CELF2: variants seen among roughly 807,000 people sequenced by gnomAD.
The protein encoded by CELF2 is CUGBP Elav-like family member 2.
In CELF2, 8 loss-of-function variants were observed where a neutral mutation model predicts 62.6. The observed-to-expected ratio is 0.13, with a 90% CI of 0.07 to 0.23. CELF2 has a LOEUF of 0.23. CELF2 is among the 10% of genes least tolerant of loss of function. The pLI is 1.00. For synonymous variants in CELF2, 258 were observed against 250.0 expected, an observed-to-expected ratio of 1.03 and a Z score of -0.30; for missense variants, 333 against 671.0, an observed-to-expected ratio of 0.50 and a Z score of 5.56.
chr10:11,023,958 G>C (rs974405237), intron 1 of CELF2, among the ~76,000 whole-genome samples: 4 of 152,254 alleles, frequency 2.6e-5, no homozygotes, highest in Middle Eastern at 6.8e-3. Context: ...TCAGGTTTTG[G>C]TTAAATTTTA....
the CELF2 span, among the ~76,000 whole-genome samples, chr10:10,543,505 T>C: frequency 2.6e-5 from 4 of 152,124 alleles, no homozygotes; most frequent in South Asian, 8.3e-4. Flanking sequence ...AACTCACATG[T>C]AAACAACACA....
rs2082526576 is a variant in CELF2 at position 11,267,643 on chromosome 10, TTC to T, written c.618+968_618+969del. Among the ~76,000 whole-genome samples the T allele has an allele frequency of 6.6e-6, 1 of 152,254 alleles. No homozygotes were observed. The highest frequency in any genetic ancestry group is 2.4e-5 in the African/African-American group (1 of 41,466). ...CAAAAAACTTTTTTCTTGATTGAGCTTCTGTTTTCCCCCCATTTTGTTGGGGT... is the reference window on the plus strand; with the variant it reads ...CAAAAAACTTTTTTCTTGATTGAGCTTGTTTTCCCCCCATTTTGTTGGGGT... On this transcript the variant is annotated intron_variant, in intron 6 of 12. Coordinates refer to ENST00000633077, the MANE Select transcript of CELF2 (RefSeq NM_001326342.2). The surrounding 1 kb of genome is among the most constrained non-coding windows in gnomAD (Gnocchi z 4.4).
chr10:11,068,511 A>G (rs2068753858), intron 1 of CELF2, among the ~76,000 whole-genome samples: 1 of 151,946 alleles, frequency 6.6e-6, no homozygotes, highest in Non-Finnish European at 1.5e-5. Context: ...CATAAATTTA[A>G]TCTTTCATAG....
At chr10:10,758,785 G>A in the CELF2 span, among the ~76,000 whole-genome samples, 1 of 152,184 alleles carries the variant, frequency 6.6e-6, no homozygotes, top group Admixed American at 6.5e-5. Context: ...ATTTAATAGT[G>A]TGCAATGAAA....
At chr10:11,151,520 C>A (rs2063327148) in intron 1 of CELF2, among the ~76,000 whole-genome samples, 1 of 152,146 alleles carries the variant, frequency 6.6e-6, no homozygotes, top group African/African-American at 2.4e-5. Flanking sequence ...GAGTTTTGAA[C>A]TCTGGACTCT....
chr10:10,584,260 T>C, the CELF2 span, among the ~76,000 whole-genome samples: 101 of 152,258 alleles, frequency 6.6e-4, no homozygotes, highest in Admixed American at 1.8e-3. Flanking sequence ...GCCCCCAGAA[T>C]CATAGCAGAT....
the CELF2 span, among the ~76,000 whole-genome samples, chr10:10,743,870 A>G: frequency 6.6e-6 from 1 of 151,638 alleles, no homozygotes; most frequent in African/African-American, 2.4e-5. Context: ...CTAGAAACAC[A>G]TATCGATACA....
Position 10,972,720 on chromosome 10 carries a change from A to C in CELF2, c.89+52721A>C, listed in dbSNP as rs957361284. On this transcript the variant is annotated intron_variant, in intron 2 of 13. Coordinates refer to the CELF2 transcript ENST00000636488. This position sits in a 1 kb window ranked among gnomAD's most constrained non-coding sequence, Gnocchi z 4.4. ...GCTGCTCCTGGGGCACTTCAAACTC[A>C]ACGAGCCTCCAACTCACAAGGTCAC... is the stretch of plus-strand genomic sequence containing the variant. 6.6e-6 allele frequency among the ~76,000 whole-genome samples: 1 copy of C among 152,014 alleles called. No homozygotes were observed. The highest frequency in any genetic ancestry group is 1.5e-5 in the Non-Finnish European group (1 of 68,000).
the CELF2 span, among the ~76,000 whole-genome samples, chr10:10,524,219 T>C: frequency 6.6e-6 from 1 of 152,022 alleles, no homozygotes; most frequent in Non-Finnish European, 1.5e-5. Flanking sequence ...CAATGTCTAG[T>C]GGGTAGCATC....
chr10:10,746,640 G>A, the CELF2 span, among the ~76,000 whole-genome samples: 4 of 152,152 alleles, frequency 2.6e-5, no homozygotes, highest in Non-Finnish European at 5.9e-5. Context: ...CCAACATTGT[G>A]AAGCAGTTTC....
intron 1 of CELF2, among the ~76,000 whole-genome samples, chr10:11,062,908 G>T (rs2067159918): frequency 6.9e-6 from 1 of 144,780 alleles, no homozygotes. Context: ...TGGTTGTCCT[G>T]TTTTAAGAGA....
the CELF2 span, among the ~76,000 whole-genome samples, chr10:10,771,085 T>A: frequency 6.6e-6 from 1 of 152,138 alleles, no homozygotes; most frequent in East Asian, 1.9e-4. Context: ...ACCAATAACT[T>A]CCATATGTAA....
intron 2 of CELF2, among the ~76,000 whole-genome samples, chr10:10,996,748 G>A (rs954990471): frequency 6.6e-6 from 1 of 152,030 alleles, no homozygotes; most frequent in African/African-American, 2.4e-5. Context: ...CGCAGTTCTG[G>A]TCCTCCTCCA....
At chr10:10,900,039 A>G (rs975373425) in intron 1 of CELF2, among the ~76,000 whole-genome samples, 8 of 152,198 alleles carry the variant, frequency 5.3e-5, no homozygotes, top group African/African-American at 9.7e-5. Context: ...AACTCACTAA[A>G]CAAGAAATAG....
intron 1 of CELF2, among the ~76,000 whole-genome samples, chr10:10,854,814 A>G (rs1009949321): frequency 6.6e-6 from 1 of 151,878 alleles, no homozygotes; most frequent in Non-Finnish European, 1.5e-5. Context: ...CTCCAAGTCA[A>G]CATCATTCTC....
At chr10:10,479,511 G>A in the CELF2 span, among the ~76,000 whole-genome samples, 4 of 152,120 alleles carry the variant, frequency 2.6e-5, no homozygotes, top group Admixed American at 2.6e-4. Context: ...TGATGGAAAC[G>A]CGATAAGTAT....
intron 1 of CELF2, among the ~76,000 whole-genome samples, chr10:10,913,858 AGAAGGAAG>A (rs71378770): frequency 6.9e-5 from 7 of 101,146 alleles, no homozygotes; most frequent in South Asian, 4.6e-4. Context: ...AGGGAAGGAG[AGAAGGAAG>A]GAAGGAAGGA....
chr10:10,626,453 C>T, the CELF2 span, among the ~76,000 whole-genome samples: 1 of 151,790 alleles, frequency 6.6e-6, no homozygotes, highest in East Asian at 1.9e-4. Flanking sequence ...ATTTCCTAAA[C>T]GTGATTAACA....
chr10:11,287,541 T>A (rs2091645080), intron 8 of CELF2, among the ~76,000 whole-genome samples: 1 of 152,242 alleles, frequency 6.6e-6, no homozygotes, highest in Admixed American at 6.5e-5. Flanking sequence ...ACACATTTAT[T>A]CTAGTTAAAG....
Sources: gnomAD v4.1 joint callset for allele counts (sites outside exome capture counted in the v4.1 genomes callset) on GRCh38, gnomAD v4.1.1 for gene constraint, Gnocchi (gnomAD v3.1) non-coding constraint, MANE v1.5 for transcripts, NCBI Gene and HGNC (gene_info 2026-07-23, HGNC 2026-07-21) for gene names.